The following PDE6A variants were observed in gnomAD, a reference collection of about 807,000 sequenced individuals.
PDE6A encodes the protein rod cGMP-specific 3',5'-cyclic phosphodiesterase subunit alpha.
A neutral mutation model predicts 106.3 loss-of-function variants in PDE6A; 84 were observed. The ratio of observed to expected loss-of-function variants is 0.79; its 90% CI spans 0.66 to 0.95. The LOEUF (loss-of-function observed/expected upper bound fraction) is 0.95, where lower values mean the gene tolerates loss of function less well. PDE6A is among the 40% of genes least tolerant of loss of function. The probability of loss-of-function intolerance (pLI) is 0.00; values close to 1 mark genes in which losing one functional copy is unlikely to be tolerated. For missense variants in PDE6A, 1,052 were observed against 1,084.9 expected (o/e 0.97, Z 0.43); for synonymous variants, 394 against 386.6 (o/e 1.02, Z -0.23).
At chr5:149,896,831 G>C (rs935312885) in intron 10 of PDE6A, 55 bp from the exon 11 acceptor site, 2 of 1,579,084 alleles carry the variant, frequency 1.3e-6, no homozygotes, top group African/African-American at 1.3e-5. Context: ...ATGCCTCCGC[G>C]TTTCCATTCC....
At chr5:149,869,705 G>A (rs1760465936) in intron 17 of PDE6A, among the ~76,000 whole-genome samples, 1 of 152,190 alleles carries the variant, frequency 6.6e-6, no homozygotes, top group African/African-American at 2.4e-5. Flanking sequence ...CAGCTGGCAG[G>A]ACTAGTAGGA....
chr5:149,939,301 G>T (rs73269798), intron 1 of PDE6A, among the ~76,000 whole-genome samples: 2 of 152,046 alleles, frequency 1.3e-5, no homozygotes, highest in Admixed American at 1.3e-4. Context: ...TAGCACAGAG[G>T]CTCCAAAAAC....
chr5:149,912,632 C>T (rs577329563), intron 6 of PDE6A, among the ~76,000 whole-genome samples: 1 of 152,280 alleles, frequency 6.6e-6, no homozygotes, highest in African/African-American at 2.4e-5. Flanking sequence ...GCTTTATCAG[C>T]CTTGGCTCCT....
chr5:149,932,121 C>T (rs1459018889), intron 3 of PDE6A: 4 of 1,261,496 alleles, frequency 3.2e-6, no homozygotes, highest in Non-Finnish European at 4.7e-6. Flanking sequence ...AAGTTGTAGA[C>T]GTCTATTTAG....
Position 149,895,212 on chromosome 5 carries a change from C to T in PDE6A, c.1699G>A (p.Val567Met), listed in dbSNP as rs537906487. 1.3e-5 allele frequency: 21 copies of T among 1,613,814 alleles called. No homozygotes were observed. The highest frequency in any genetic ancestry group is 3.3e-5 in the Admixed American group (2 of 60,000). The change falls in exon 13 of 22, where the codon GTG (valine) becomes ATG (methionine). Residue 567 changes from valine (V) to methionine (M), a missense_variant. By Grantham distance (21) the Val-to-Met change is conservative. Coordinates refer to ENST00000255266, the MANE Select transcript of PDE6A (RefSeq NM_000440.3). Reference protein sequence around the residue: ...TYHNWRHGFNVGQTMFSLLVT... With the variant: ...TYHNWRHGFNMGQTMFSLLVT... ...AGCAGGGAGAACATGGTCTGCCCCA[C>T]GTTGAAGCCGTGCCGCCAGTTGTGG...
At chr5:149,870,970 AG>A (rs1192642235) in intron 17 of PDE6A, among the ~76,000 whole-genome samples, 1 of 152,104 alleles carries the variant, frequency 6.6e-6, no homozygotes, top group Non-Finnish European at 1.5e-5. Context: ...AAAGAAAAAA[AG>A]AACCCAAAAG....
chr5:149,937,595 C>T (rs536995316), intron 1 of PDE6A, among the ~76,000 whole-genome samples: 1 of 152,114 alleles, frequency 6.6e-6, no homozygotes, highest in African/African-American at 2.4e-5. Context: ...CCAGGGTAGT[C>T]CTGAACACCT....
intron 13 of PDE6A, among the ~76,000 whole-genome samples, chr5:149,894,629 ATTTTT>A (rs10657525): frequency 1.8e-5 from 2 of 113,050 alleles, no homozygotes; most frequent in African/African-American, 7.3e-5. Flanking sequence ...GAACTGTTGA[ATTTTT>A]TTTTTTTTTT....
chr5:149,875,560 G>A (rs1035285494), intron 17 of PDE6A, among the ~76,000 whole-genome samples: 6 of 151,402 alleles, frequency 4.0e-5, no homozygotes, highest in Non-Finnish European at 7.4e-5. Context: ...CACCGTCAGG[G>A]CTCGCTGCAG....
At chr5:149,905,994 A>C (rs1753164354) in intron 7 of PDE6A, among the ~76,000 whole-genome samples, 1 of 152,020 alleles carries the variant, frequency 6.6e-6, no homozygotes, top group South Asian at 2.1e-4. Context: ...AGTAGCTGGG[A>C]CTGTGGGCTT....
At position 149,898,388 on chromosome 5, in the gene PDE6A, T is replaced by G; in HGVS notation, c.1382A>C (p.Asp461Ala). 6.2e-7 allele frequency: 1 copy of G among 1,613,486 alleles called. No homozygotes were observed. Among genetic ancestry groups the G allele is most frequent in the Non-Finnish European group, 8.5e-7 (1 of 1,179,458 alleles). ...CAAGATTTTCTGAATTTCTTCATTG[T>G]CACACTTCACATGATATTTTACTAT... ...QDIVKYHVKC[D>A]NEEIQKILKT... The change falls in exon 10 of 22, where the codon GAC becomes GCC. Residue 461 changes from aspartate (D) to alanine (A), a missense_variant. Transcript: ENST00000255266.
At chr5:149,895,579 G>A (rs527887294) in intron 12 of PDE6A, among the ~76,000 whole-genome samples, 7 of 152,014 alleles carry the variant, frequency 4.6e-5, no homozygotes, top group African/African-American at 1.2e-4. Context: ...AGTAATTCCC[G>A]AACTGTGCCC....
chr5:149,888,113 T>C (rs1446158189), intron 13 of PDE6A, among the ~76,000 whole-genome samples: 1 of 152,164 alleles, frequency 6.6e-6, no homozygotes, highest in African/African-American at 2.4e-5. Context: ...CACTCCAGCC[T>C]GTGTGACAGA....
chr5:149,929,964 G>T (rs1753984782), intron 4 of PDE6A, among the ~76,000 whole-genome samples: 2 of 152,008 alleles, frequency 1.3e-5, no homozygotes, highest in South Asian at 4.1e-4. Flanking sequence ...GTCTCACCAT[G>T]CTGCCCAAGC....
chr5:149,930,727 C>T (rs1383443839), intron 4 of PDE6A, among the ~76,000 whole-genome samples: 2 of 152,176 alleles, frequency 1.3e-5, no homozygotes, highest in Non-Finnish European at 2.9e-5. Flanking sequence ...ACTCTCAACC[C>T]ACATAGAAAT....
At chr5:149,867,701 G>C in intron 19 of PDE6A, 24 bp downstream of exon 19, 1 of 1,606,490 alleles carries the variant, frequency 6.2e-7, no homozygotes, top group South Asian at 1.1e-5. Context: ...CCTAACATCA[G>C]GCTGACATCC....
At chr5:149,898,230 G>A (rs1052788954) in intron 10 of PDE6A, 133 bp downstream of exon 10, 35 of 748,852 alleles carry the variant, frequency 4.7e-5, no homozygotes, top group Non-Finnish European at 7.5e-5. Context: ...GTGCTAGGCA[G>A]GAAGGAACAC....
chr5:149,920,947 A>AAAGAAAGAAAGAAAG (rs1554091233), intron 5 of PDE6A, among the ~76,000 whole-genome samples: 5 of 109,662 alleles, frequency 4.6e-5, no homozygotes. Flanking sequence ...AGAGAAAAAG[A>AAAGAAAGAAAGAAAG]AAGAAAGAAA....
At chr5:149,931,781 G>A (rs1386544645) in intron 3 of PDE6A, among the ~76,000 whole-genome samples, 6 of 152,114 alleles carry the variant, frequency 3.9e-5, no homozygotes, top group Non-Finnish European at 8.8e-5. Flanking sequence ...TGTGTGGACC[G>A]ATGAGGCAAA....
Sources: allele counts gnomAD v4.1 joint callset (sites outside exome capture counted in the v4.1 genomes callset), GRCh38; gene constraint gnomAD v4.1.1; transcripts MANE v1.5; gene names NCBI Gene and HGNC (gene_info 2026-07-23, HGNC 2026-07-21).